RFX7: variants seen among roughly 807,000 people sequenced by gnomAD.
RFX7 encodes the protein DNA-binding protein RFX7.
In RFX7, 26 loss-of-function variants were observed where a neutral mutation model predicts 111.8. The ratio of observed to expected loss-of-function variants is 0.23; its 90% CI spans 0.17 to 0.32. RFX7 has a LOEUF of 0.32. Ranked by LOEUF, RFX7 falls within the 10% of genes least tolerant of loss-of-function variation. The probability of loss-of-function intolerance (pLI) is 1.00; values close to 1 mark genes in which losing one functional copy is unlikely to be tolerated. For missense variants in RFX7, 1,573 were observed against 1,772.9 expected, an observed-to-expected ratio of 0.89 and a Z score of 2.02; for synonymous variants, 624 against 624.4, an observed-to-expected ratio of 1.00 and a Z score of 0.01.
intron 2 of RFX7, among the ~76,000 whole-genome samples, chr15:56,194,592 T>C (rs1230197266): frequency 6.6e-6 from 1 of 152,120 alleles, no homozygotes; most frequent in Non-Finnish European, 1.5e-5. Flanking sequence ...ACTTTTACTT[T>C]TGTTTGCTCA....
intron 5 of RFX7, among the ~76,000 whole-genome samples, chr15:56,105,536 T>C (rs1345578517): frequency 2.0e-5 from 3 of 152,072 alleles, no homozygotes; most frequent in East Asian, 1.9e-4. Flanking sequence ...CTGGCAGAAA[T>C]GGGTCTAAAA....
chr15:56,093,269 C>T lies in RFX7; in HGVS notation c.*76G>A, dbSNP rs149901940. The T allele has an allele frequency of 6.8e-4, 840 of 1,238,860 alleles. 7 individuals are homozygous for T. In the African/African-American group the frequency reaches 0.011, roughly 15 times the overall value. 76.7% of individuals were successfully genotyped at this position (1,238,860 alleles called of 1,614,324 possible). A position where few individuals can be genotyped will look rare whatever the true frequency, so the allele number is the denominator to read the frequency against. ...GTCACAATTAATAGTATTTCTGCTG[C>T]GGGAGGCACTTCCATTAAGACAAAT... is the stretch of plus-strand genomic sequence containing the variant. On this transcript the variant is annotated 3_prime_UTR_variant, in exon 10 of 10. Transcript: ENST00000559447.
chr15:56,165,022 C>T (rs958537970), intron 3 of RFX7, among the ~76,000 whole-genome samples: 13 of 152,262 alleles, frequency 8.5e-5, no homozygotes, highest in South Asian at 6.2e-4. Flanking sequence ...GGTTTTGGGA[C>T]GTAACTGTTC....
At chr15:56,209,673 G>C (rs2141195233) in intron 2 of RFX7, among the ~76,000 whole-genome samples, 1 of 152,174 alleles carries the variant, frequency 6.6e-6, no homozygotes. Flanking sequence ...TAAGAAACCA[G>C]AGGCAGGAAT....
At position 56,094,863 on chromosome 15, in the gene RFX7, AGTGGGT is replaced by A. The variant is rs551989191; in HGVS notation, c.2859_2864del (p.Pro964_Thr965del). 3.1e-3 allele frequency: 4,793 copies of A among 1,553,920 alleles called. 19 individuals are homozygous for A. Among genetic ancestry groups the A allele is most frequent in the South Asian group, 0.011 (881 of 81,758 alleles). ...GGGTTGGGGTTGGGGTTGGAGTAGG[AGTGGGT>A]GTGGGTGTGGGTGTGGGTGTGTGGA... On this transcript the variant is annotated inframe_deletion, in exon 10 of 10. Transcript: ENST00000559447.
chr15:56,178,482 C>T (rs541461526), intron 3 of RFX7, among the ~76,000 whole-genome samples: 28 of 152,248 alleles, frequency 1.8e-4, no homozygotes, highest in Admixed American at 1.2e-3. Flanking sequence ...AAGACCCAAA[C>T]TTGGATAAGA....
intron 5 of RFX7, among the ~76,000 whole-genome samples, chr15:56,137,789 C>T (rs1217094753): frequency 2.2e-4 from 34 of 151,952 alleles, no homozygotes; most frequent in Admixed American, 1.4e-3. Context: ...GCTTTGAATG[C>T]GTCCCAGAGA....
In RFX7 at chr15:56,096,263, G is replaced by C; in HGVS notation, c.1465C>G (p.Leu489Val). 1.9e-6 allele frequency: 3 copies of C among 1,613,996 alleles called. No individual in the cohort carries two copies. Among genetic ancestry groups the C allele is most frequent in the Non-Finnish European group, 2.5e-6 (3 of 1,179,870 alleles). The change falls in exon 10 of 10, where the codon CTT becomes GTT. Residue 489 changes from leucine (L) to valine (V), a missense_variant. Physicochemically the swap from Leu to Val is conservative, Grantham distance 32. Transcript: ENST00000559447. ...CTGCTGACTGAGGCAGAATGTTTAA[G>C]AGGGGTGTTACTGTTGCTGGGTGTG... ...SLTPSNSNTP[L>V]KHSASVSSAT...
intron 2 of RFX7, among the ~76,000 whole-genome samples, chr15:56,196,392 T>C (rs963711657): frequency 6.6e-6 from 1 of 152,092 alleles, no homozygotes; most frequent in African/African-American, 2.4e-5. Context: ...CCATAAACAA[T>C]ACAATAGTTT....
chr15:56,146,388 C>T (rs1346818021), intron 3 of RFX7, among the ~76,000 whole-genome samples: 1 of 152,134 alleles, frequency 6.6e-6, no homozygotes, highest in East Asian at 1.9e-4. Flanking sequence ...GTATGAACTA[C>T]TGTCAAATAT....
At chr15:56,105,212 C>G (rs1360982156) in intron 5 of RFX7, among the ~76,000 whole-genome samples, 2 of 152,180 alleles carry the variant, frequency 1.3e-5, no homozygotes, top group Non-Finnish European at 1.5e-5. Context: ...TTGAAAGGAT[C>G]TCTTCCGACT....
At chr15:56,208,270 T>C (rs2043275753) in intron 2 of RFX7, among the ~76,000 whole-genome samples, 2 of 152,150 alleles carry the variant, frequency 1.3e-5, no homozygotes, top group Non-Finnish European at 2.9e-5. Context: ...AGAGCATAAC[T>C]GACCTGGGCA....
At chr15:56,166,925 A>G (rs2042789919) in intron 3 of RFX7, among the ~76,000 whole-genome samples, 1 of 152,092 alleles carries the variant, frequency 6.6e-6, no homozygotes, top group Non-Finnish European at 1.5e-5. Context: ...TGCATAACAT[A>G]TTCCTATTTT....
In RFX7 at chr15:56,129,540, C is replaced by T. The variant is rs1029623783; in HGVS notation, c.401+13238G>A. On this transcript the variant is annotated intron_variant, in intron 5 of 9. Transcript: ENST00000559447. The stretch of plus-strand genomic sequence containing the variant: ...TGGTATAGGAAAAAAACTGTTGAAC[C>T]TATGTGAAGCACATAGGAATATGGA... Among the ~76,000 whole-genome samples, 9 of 152,080 alleles carry T rather than the reference C, an allele frequency of 5.9e-5. 1 individual carries two copies. The highest frequency in any genetic ancestry group is 3.2e-3 in the Middle Eastern group (1 of 316).
intron 2 of RFX7, among the ~76,000 whole-genome samples, chr15:56,239,661 G>C (rs1419444863): frequency 6.6e-6 from 1 of 152,128 alleles, no homozygotes; most frequent in African/African-American, 2.4e-5. Flanking sequence ...ATTTTGGAGT[G>C]TTTCAGATTC....
chr15:56,173,142 AAAAT>A (rs1202057857), intron 3 of RFX7, among the ~76,000 whole-genome samples: 6 of 152,354 alleles, frequency 3.9e-5, no homozygotes, highest in African/African-American at 1.4e-4. Flanking sequence ...ATATGGAAGA[AAAAT>A]AAACAGCTTC....
At chr15:56,106,847 GT>G (rs1567009452) in intron 5 of RFX7, among the ~76,000 whole-genome samples, 1 of 150,630 alleles carries the variant, frequency 6.6e-6, no homozygotes, top group African/African-American at 2.4e-5. Context: ...ATCTTGGTTA[GT>G]TTACATCTCA....
At chr15:56,232,795 G>A (rs557536378) in intron 2 of RFX7, among the ~76,000 whole-genome samples, 1 of 152,148 alleles carries the variant, frequency 6.6e-6, no homozygotes, top group Non-Finnish European at 1.5e-5. Context: ...AATGCTGCCA[G>A]TATCTTTGCT....
chr15:56,101,149 T>C (rs1189757850), intron 8 of RFX7, among the ~76,000 whole-genome samples: 1 of 152,130 alleles, frequency 6.6e-6, no homozygotes, highest in Non-Finnish European at 1.5e-5. Context: ...CAAAGCAATA[T>C]ATAGAAACAT....
Sources: allele counts gnomAD v4.1 joint callset (sites outside exome capture counted in the v4.1 genomes callset), GRCh38; gene constraint gnomAD v4.1.1; transcripts MANE v1.5; gene names NCBI Gene and HGNC (gene_info 2026-07-23, HGNC 2026-07-21).